Variants in ENOX1 observed in about 807,000 individuals in gnomAD.
ENOX1 encodes candidate growth-related and time keeping constitutive hydroquinone (NADH) oxidase.
Under a neutral mutation model 82.5 loss-of-function variants are expected in ENOX1, and 42 were observed. That is an observed-to-expected ratio of 0.51 (90% CI 0.40 to 0.66). The LOEUF (loss-of-function observed/expected upper bound fraction) is 0.66, where lower values mean the gene tolerates loss of function less well. Ranked by LOEUF, ENOX1 falls within the 30% of genes least tolerant of loss-of-function variation. ENOX1 has a pLI of 0.00. For missense variants in ENOX1, 608 were observed against 811.6 expected, an observed-to-expected ratio of 0.75 and a Z score of 3.05; for synonymous variants, 271 against 282.2, an observed-to-expected ratio of 0.96 and a Z score of 0.40.
intron 1 of ENOX1, among the ~76,000 whole-genome samples, chr13:43,780,093 A>G (rs561659726): frequency 2.1e-4 from 32 of 151,734 alleles, no homozygotes; most frequent in South Asian, 1.0e-3. Flanking sequence ...CCCGGGAGGC[A>G]GAGCTTGCAG....
chr13:43,438,340 C>T (rs183561231), intron 3 of ENOX1, among the ~76,000 whole-genome samples: 43 of 151,848 alleles, frequency 2.8e-4, no homozygotes, highest in African/African-American at 8.7e-4. Context: ...GCAGTGGCAG[C>T]GGAGATGAAG....
chr13:43,263,080 G>A (rs1593593041), intron 14 of ENOX1, among the ~76,000 whole-genome samples: 1 of 152,122 alleles, frequency 6.6e-6, no homozygotes, highest in Admixed American at 6.5e-5. Context: ...CCTAATGTGA[G>A]GGCAAAATAA....
At chr13:43,297,398 A>G (rs1444990515) in intron 12 of ENOX1, among the ~76,000 whole-genome samples, 1 of 151,972 alleles carries the variant, frequency 6.6e-6, no homozygotes, top group Non-Finnish European at 1.5e-5. Flanking sequence ...TTCTACTTAT[A>G]TTTCCCTTGT....
chr13:43,297,499 T>C (rs2046344451), intron 12 of ENOX1, among the ~76,000 whole-genome samples: 2 of 152,172 alleles, frequency 1.3e-5, no homozygotes, highest in South Asian at 4.1e-4. Context: ...GATGATAATA[T>C]ATGCTCTGTT....
chr13:43,588,910 A>G (rs913150670), intron 2 of ENOX1, among the ~76,000 whole-genome samples: 7 of 152,188 alleles, frequency 4.6e-5, no homozygotes, highest in African/African-American at 1.7e-4. Flanking sequence ...AACCATATGC[A>G]CTTGCCAGAG....
At chr13:43,320,058 A>C (rs1292082730) in intron 11 of ENOX1, among the ~76,000 whole-genome samples, 1 of 152,232 alleles carries the variant, frequency 6.6e-6, no homozygotes, top group Admixed American at 6.5e-5. Flanking sequence ...TTTGAACAAA[A>C]GACCAGATGG....
intron 2 of ENOX1, among the ~76,000 whole-genome samples, chr13:43,633,234 T>C (rs972143669): frequency 6.6e-6 from 1 of 152,190 alleles, no homozygotes; most frequent in African/African-American, 2.4e-5. Flanking sequence ...ATTTTAAAGG[T>C]TGATAATGTT....
intron 2 of ENOX1, among the ~76,000 whole-genome samples, chr13:43,491,278 C>T (rs894999408): frequency 1.3e-5 from 2 of 152,146 alleles, no homozygotes; most frequent in African/African-American, 2.4e-5. Context: ...ATGAGGGATC[C>T]ACCCGCATGA....
At chr13:43,425,923 G>A (rs780443396) in intron 3 of ENOX1, among the ~76,000 whole-genome samples, 1 of 152,106 alleles carries the variant, frequency 6.6e-6, no homozygotes, top group Non-Finnish European at 1.5e-5. Context: ...TAACTTGCAG[G>A]CAAATAATTT....
At chr13:43,726,716 TTTTGTGTG>T (rs2088981733) in intron 1 of ENOX1, among the ~76,000 whole-genome samples, 1 of 106,196 alleles carries the variant, frequency 9.4e-6, no homozygotes, top group African/African-American at 4.1e-5. Flanking sequence ...ACGCATTGAC[TTTTGTGTG>T]TGTGTGTGTG....
In ENOX1 at chr13:43,542,090, C is replaced by T. The variant is rs537208411; in HGVS notation, c.-218-57938G>A. Among the ~76,000 whole-genome samples, 24 of 152,294 alleles carry T rather than the reference C, an allele frequency of 1.6e-4. 1 individual carries two copies. In the East Asian group the frequency reaches 4.4e-3, roughly 28 times the overall value. ...CACTTCCCTCAACTGCAAAAACAAA[C>T]AGTAGAGATGCCAGAGGTCCCTGGA... On this transcript the variant is annotated intron_variant, in intron 2 of 16. Transcript: ENST00000690772.
At chr13:43,470,307 C>CGTATATATATATGTATATATACGT (rs1555289835) in intron 3 of ENOX1, among the ~76,000 whole-genome samples, 1 of 42,492 alleles carries the variant, frequency 2.4e-5, no homozygotes, top group African/African-American at 6.9e-5. Flanking sequence ...CATATATATA[C>CGTATATATATATGTATATATACGT]ATATATATAC....
chr13:43,671,620 C>T (rs942318690), intron 1 of ENOX1, among the ~76,000 whole-genome samples: 2 of 152,144 alleles, frequency 1.3e-5, no homozygotes, highest in African/African-American at 4.8e-5. Flanking sequence ...GAAGTGACGA[C>T]CTGATCACAG....
intron 14 of ENOX1, among the ~76,000 whole-genome samples, chr13:43,239,666 C>T (rs1305664412): frequency 6.6e-6 from 1 of 152,176 alleles, no homozygotes; most frequent in Non-Finnish European, 1.5e-5. Flanking sequence ...GGTATAAGCT[C>T]AGGCTCTTGC....
At chr13:43,226,269 C>T (rs981058591) in intron 15 of ENOX1, among the ~76,000 whole-genome samples, 2 of 152,040 alleles carry the variant, frequency 1.3e-5, no homozygotes, top group African/African-American at 4.8e-5. Flanking sequence ...ATTTGCATTT[C>T]CTTTTTTGTT....
rs146156877 is a variant in ENOX1, at chr13:43,309,480, G to A, written c.1262-10950C>T. ...AGAGTATCATAGTGAGCTTGGCAGT[G>A]CTTAGTAAGGCCCGACAGTGGAGAG... On this transcript the variant is annotated intron_variant, in intron 11 of 16. Transcript: ENST00000690772. Among the ~76,000 whole-genome samples, 238 of 152,278 alleles carry A rather than the reference G, an allele frequency of 1.6e-3. 1 individual carries two copies. The highest frequency in any genetic ancestry group is 2.6e-3 in the Non-Finnish European group (180 of 68,014).
At chr13:43,341,941 T>C (rs901971136) in intron 9 of ENOX1, among the ~76,000 whole-genome samples, 1 of 152,236 alleles carries the variant, frequency 6.6e-6, no homozygotes, top group African/African-American at 2.4e-5. Flanking sequence ...CTTGCTATAA[T>C]GACGCAACTC....
chr13:43,648,832 C>T (rs187440333), intron 2 of ENOX1, among the ~76,000 whole-genome samples: 13 of 152,246 alleles, frequency 8.5e-5, no homozygotes, highest in African/African-American at 2.9e-4. Context: ...GAGTACTCAG[C>T]GTTCTCCTTA....
intron 12 of ENOX1, among the ~76,000 whole-genome samples, chr13:43,271,980 A>AT (rs565880829): frequency 6.6e-6 from 1 of 151,958 alleles, no homozygotes; most frequent in Non-Finnish European, 1.5e-5. Flanking sequence ...CCATGTTACT[A>AT]TTTTTTTGTT....
Sources: gnomAD v4.1 joint callset for allele counts (sites outside exome capture counted in the v4.1 genomes callset) on GRCh38, gnomAD v4.1.1 for gene constraint, MANE v1.5 for transcripts, NCBI Gene and HGNC (gene_info 2026-07-23, HGNC 2026-07-21) for gene names.